Variants in COL23A1 observed in about 807,000 individuals in gnomAD.
The protein encoded by COL23A1 is collagen type XXIII alpha 1 chain.
Under a neutral mutation model 99.3 loss-of-function variants are expected in COL23A1, and 97 were observed. The ratio of observed to expected loss-of-function variants is 0.98; its 90% CI spans 0.83 to 1.16. The LOEUF is 1.16. Ranked by LOEUF, COL23A1 falls within the 50% of genes most tolerant of loss-of-function variation. COL23A1 has a pLI of 0.00. For synonymous variants in COL23A1, 320 were observed against 308.2 expected, an observed-to-expected ratio of 1.04 and a Z score of -0.40; for missense variants, 762 against 757.4, an observed-to-expected ratio of 1.01 and a Z score of -0.07.
At chr5:178,400,679 T>A (rs1005157709) in intron 2 of COL23A1, among the ~76,000 whole-genome samples, 1 of 151,344 alleles carries the variant, frequency 6.6e-6, no homozygotes, top group Non-Finnish European at 1.5e-5. Context: ...GGAGTCTTGC[T>A]CTATCGCCCA....
At chr5:178,264,482 G>A (rs1481754889) in intron 8 of COL23A1, among the ~76,000 whole-genome samples, 1 of 152,104 alleles carries the variant, frequency 6.6e-6, no homozygotes, top group Non-Finnish European at 1.5e-5. Flanking sequence ...GAGGAAGGGA[G>A]ATCACTGTGA....
intron 2 of COL23A1, among the ~76,000 whole-genome samples, chr5:178,359,005 AG>A (rs1261694054): frequency 6.6e-6 from 1 of 152,228 alleles, no homozygotes; most frequent in Non-Finnish European, 1.5e-5. Flanking sequence ...GTCTAATAAA[AG>A]GCTTCTGATT....
Position 178,302,186 on chromosome 5 carries a change from T to A in COL23A1, c.406+4689A>T, listed in dbSNP as rs1318628978. On this transcript the variant is annotated intron_variant, in intron 3 of 28. Coordinates refer to ENST00000390654, the MANE Select transcript of COL23A1 (RefSeq NM_173465.4). ...GCACAGCTTCAATGCTGCACCTCTGTGTGTGCTGGAGCACAGCTTCAATCC... is the reference window on the plus strand; with the variant it reads ...GCACAGCTTCAATGCTGCACCTCTGAGTGTGCTGGAGCACAGCTTCAATCC... 7.7e-5 allele frequency among the ~76,000 whole-genome samples: 4 copies of A among 51,802 alleles called. 1 individual carries two copies. Among genetic ancestry groups the A allele is most frequent in the African/African-American group, 2.3e-4 (3 of 12,866 alleles). 34.0% of individuals were successfully genotyped at this position (51,802 alleles called of 152,430 possible). A position where few individuals can be genotyped will look rare whatever the true frequency, so the allele number is the denominator to read the frequency against.
chr5:178,435,182 C>T (rs1766490173), intron 2 of COL23A1, among the ~76,000 whole-genome samples: 1 of 152,178 alleles, frequency 6.6e-6, no homozygotes, highest in Non-Finnish European at 1.5e-5. Context: ...GGAACCAGAT[C>T]CTGGAGTCCG....
intron 2 of COL23A1, among the ~76,000 whole-genome samples, chr5:178,388,894 T>C (rs1763808979): frequency 1.3e-5 from 2 of 152,166 alleles, no homozygotes; most frequent in African/African-American, 4.8e-5. Context: ...CCCTTGCAGC[T>C]CTCTAAGGTG....
chr5:178,262,863 T>C (rs2127554311), intron 9 of COL23A1, among the ~76,000 whole-genome samples: 2 of 152,090 alleles, frequency 1.3e-5, no homozygotes, highest in Middle Eastern at 6.8e-3. Context: ...AGGTTCAGAG[T>C]TAGGGTCTGA....
intron 2 of COL23A1, among the ~76,000 whole-genome samples, chr5:178,420,381 T>TCCCCCCTTC (rs1765544272): frequency 1.4e-4 from 2 of 14,616 alleles, no homozygotes; most frequent in East Asian, 2.0e-3. Context: ...CCTCCTCCCC[T>TCCCCCCTTC]CCCCCCTTTC....
At chr5:178,507,965 G>A (rs58985980) in intron 2 of COL23A1, among the ~76,000 whole-genome samples, 37 of 152,148 alleles carry the variant, frequency 2.4e-4, no homozygotes, top group East Asian at 1.9e-3. Context: ...ATGTTAGATC[G>A]TCTATGATAG....
chr5:178,344,034 C>T (rs886486351), intron 2 of COL23A1, among the ~76,000 whole-genome samples: 9 of 152,082 alleles, frequency 5.9e-5, no homozygotes, highest in Non-Finnish European at 1.0e-4. Flanking sequence ...GCTGTCTATC[C>T]CTAATTTTTA....
At chr5:178,321,116 T>C (rs1440611495) in intron 2 of COL23A1, among the ~76,000 whole-genome samples, 1 of 152,254 alleles carries the variant, frequency 6.6e-6, no homozygotes, top group East Asian at 1.9e-4. Flanking sequence ...ATTTCTAAAC[T>C]ATTCTGTAAA....
chr5:178,484,883 T>A (rs1369785652), intron 2 of COL23A1, among the ~76,000 whole-genome samples: 1 of 150,004 alleles, frequency 6.7e-6, no homozygotes, highest in Non-Finnish European at 1.5e-5. Context: ...TTCTTTCTGA[T>A]AAATAAAAGC....
intron 2 of COL23A1, among the ~76,000 whole-genome samples, chr5:178,475,051 C>T (rs115573368): frequency 0.015 from 2,352 of 152,286 alleles, 72 homozygotes; most frequent in African/African-American, 0.053. Context: ...TTCACAGTCA[C>T]ATGGCAGCAT....
At chr5:178,581,340 C>T (rs918545349) in intron 1 of COL23A1, among the ~76,000 whole-genome samples, 6 of 152,082 alleles carry the variant, frequency 3.9e-5, no homozygotes, top group African/African-American at 1.4e-4. Flanking sequence ...CCAAGGCAGG[C>T]AAATCACCTG....
intron 2 of COL23A1, among the ~76,000 whole-genome samples, chr5:178,385,075 A>C (rs1280821532): frequency 6.6e-6 from 1 of 152,074 alleles, no homozygotes; most frequent in East Asian, 1.9e-4. Flanking sequence ...GGCTGGACTC[A>C]TGTTGTCACA....
intron 2 of COL23A1, among the ~76,000 whole-genome samples, chr5:178,531,717 T>C (rs776053583): frequency 9.2e-5 from 14 of 152,216 alleles, no homozygotes; most frequent in Non-Finnish European, 1.6e-4. Flanking sequence ...CCAAAAACCA[T>C]GTAACTGAGA....
chr5:178,465,959 G>C (rs1179203296), intron 2 of COL23A1, among the ~76,000 whole-genome samples: 1 of 152,162 alleles, frequency 6.6e-6, no homozygotes, highest in Non-Finnish European at 1.5e-5. Context: ...AAACACAGTA[G>C]AGCCTCGGGG....
chr5:178,510,126 GAATC>G (rs1759119470), intron 2 of COL23A1, among the ~76,000 whole-genome samples: 1 of 152,210 alleles, frequency 6.6e-6, no homozygotes, highest in Non-Finnish European at 1.5e-5. Context: ...AAGGATAAGT[GAATC>G]TATTATTTTC....
chr5:178,513,522 G>A (rs1201312197), intron 2 of COL23A1, among the ~76,000 whole-genome samples: 1 of 152,120 alleles, frequency 6.6e-6, no homozygotes, highest in South Asian at 2.1e-4. Flanking sequence ...CAAGGTGTAG[G>A]CAGGCTATGT....
In COL23A1 at chr5:178,415,275, GC is replaced by G. The variant is rs1194382084; in HGVS notation, c.362-108357del. On this transcript the variant is annotated intron_variant, in intron 2 of 28. Coordinates refer to ENST00000390654, the MANE Select transcript of COL23A1 (RefSeq NM_173465.4). The surrounding 1 kb of genome is among the most constrained non-coding windows in gnomAD (Gnocchi z 4.6). ...CAGTTACAGTGCTCAGTGGGGACGA[GC>G]CCGCCTTGCTGGGTGAGTGACGTGG... Among the ~76,000 whole-genome samples, 1 of 152,216 alleles carries G rather than the reference GC, an allele frequency of 6.6e-6. No individual in the cohort carries two copies. The highest frequency in any genetic ancestry group is 1.5e-5 in the Non-Finnish European group (1 of 68,036).
Sources: gnomAD v4.1 joint callset for allele counts (sites outside exome capture counted in the v4.1 genomes callset) on GRCh38, gnomAD v4.1.1 for gene constraint, Gnocchi (gnomAD v3.1) non-coding constraint, MANE v1.5 for transcripts, NCBI Gene and HGNC (gene_info 2026-07-23, HGNC 2026-07-21) for gene names.